The following TMEM178B variants were observed in gnomAD, a reference collection of about 807,000 sequenced individuals.
TMEM178B encodes the protein transmembrane protein 178B.
A neutral mutation model predicts 31.0 loss-of-function variants in TMEM178B; 5 were observed. The observed-to-expected ratio is 0.16, with a 90% CI of 0.08 to 0.34. TMEM178B has a LOEUF of 0.34. Ranked by LOEUF, TMEM178B falls within the 10% of genes least tolerant of loss-of-function variation. The pLI is 1.00. For missense variants in TMEM178B, 275 were observed against 400.3 expected (o/e 0.69, Z 2.67); for synonymous variants, 164 against 164.0 (o/e 1.00, Z 0.00).
chr7:141,216,448 TGCGCGCGC>T (rs143135337), intron 2 of TMEM178B, among the ~76,000 whole-genome samples: 10,256 of 135,646 alleles, frequency 0.076, 875 homozygotes, highest in East Asian at 0.14. Context: ...TGTGTGTGTG[TGCGCGCGC>T]GCGCGCGTGT....
intron 2 of TMEM178B, among the ~76,000 whole-genome samples, chr7:141,433,071 G>A (rs955144452): frequency 2.0e-5 from 3 of 152,290 alleles, no homozygotes; most frequent in African/African-American, 4.8e-5. Context: ...CTCCATCAGG[G>A]TGCTGTAGTG....
intron 2 of TMEM178B, among the ~76,000 whole-genome samples, chr7:141,421,440 G>A (rs1382393250): frequency 1.3e-5 from 2 of 152,126 alleles, no homozygotes; most frequent in Non-Finnish European, 2.9e-5. Context: ...ATTTGTGGTA[G>A]CACTTTACAG....
chr7:141,092,965 A>G (rs1258039793), intron 1 of TMEM178B, among the ~76,000 whole-genome samples: 1 of 152,204 alleles, frequency 6.6e-6, no homozygotes, highest in Non-Finnish European at 1.5e-5. Context: ...ATGTTATAGA[A>G]ATAGCAAAGG....
intron 3 of TMEM178B, among the ~76,000 whole-genome samples, chr7:141,439,614 T>A (rs936299460): frequency 6.6e-6 from 1 of 152,340 alleles, no homozygotes; most frequent in East Asian, 1.9e-4. Flanking sequence ...CAGCTCTGTT[T>A]GTAGTGAGTG....
At chr7:141,165,458 T>C (rs1796246703) in intron 1 of TMEM178B, among the ~76,000 whole-genome samples, 1 of 152,186 alleles carries the variant, frequency 6.6e-6, no homozygotes, top group Non-Finnish European at 1.5e-5. Context: ...TCAAAGTCCA[T>C]GATATCAGCA....
At chr7:141,491,448 T>C in the TMEM178B span, among the ~76,000 whole-genome samples, 1 of 152,230 alleles carries the variant, frequency 6.6e-6, no homozygotes, top group South Asian at 2.1e-4. Flanking sequence ...TAGATTCTTT[T>C]CATAAATCCA....
At chr7:141,332,663 A>G (rs889081096) in intron 2 of TMEM178B, among the ~76,000 whole-genome samples, 1 of 152,220 alleles carries the variant, frequency 6.6e-6, no homozygotes, top group African/African-American at 2.4e-5. Context: ...GTAACAGTTG[A>G]GTTTGCCCAG....
intron 2 of TMEM178B, among the ~76,000 whole-genome samples, chr7:141,324,420 T>G (rs971583855): frequency 2.2e-5 from 1 of 45,708 alleles, no homozygotes; most frequent in Non-Finnish European, 4.6e-5. Flanking sequence ...ACCAGGGTTT[T>G]TTTTTTTTTT....
rs143797431 is a variant in TMEM178B, at chr7:141,315,664, T to C, written c.496+102960T>C. 1.6e-3 allele frequency among the ~76,000 whole-genome samples: 240 copies of C among 152,336 alleles called. 1 individual carries two copies. Among genetic ancestry groups the C allele is most frequent in the African/African-American group, 5.4e-3 (223 of 41,574 alleles). On this transcript the variant is annotated intron_variant, in intron 2 of 3. Coordinates refer to ENST00000565468, the MANE Select transcript of TMEM178B (RefSeq NM_001195278.2). Reference sequence around the variant, plus strand: ...AGATTTTTTTCCCTTTTCATTTACATGTTTTAAGGCCCTGACGTGATTATA... The same window carrying C: ...AGATTTTTTTCCCTTTTCATTTACACGTTTTAAGGCCCTGACGTGATTATA...
intron 1 of TMEM178B, among the ~76,000 whole-genome samples, chr7:141,157,616 TCG>T (rs1362262326): frequency 1.3e-5 from 2 of 152,296 alleles, no homozygotes; most frequent in Admixed American, 1.3e-4. Context: ...CCAGGTCCTG[TCG>T]CTGGCAGTCT....
chr7:141,483,430 T>C (rs1802510051), downstream of TMEM178B, among the ~76,000 whole-genome samples: 1 of 152,198 alleles, frequency 6.6e-6, no homozygotes, highest in African/African-American at 2.4e-5. Context: ...GGCAGCTCCA[T>C]GCACCCTTCA....
At position 141,471,781 on chromosome 7, in the gene TMEM178B, CGTGTGT is replaced by C. The variant is rs71948091; in HGVS notation, c.*1027_*1032del. ...AGATCCCTGGAGTGGTGTGTGTGTG[CGTGTGT>C]GTGTGTGTGTGTGTGTGTGTGTGTG... On this transcript the variant is annotated 3_prime_UTR_variant, in exon 4 of 4. Coordinates refer to ENST00000565468, the MANE Select transcript of TMEM178B (RefSeq NM_001195278.2). The surrounding 1 kb of genome is among the most constrained non-coding windows in gnomAD (Gnocchi z 4.1). 5,119 of 142,016 alleles carry C rather than the reference CGTGTGT, an allele frequency of 0.036. 111 individuals carry two copies. The highest frequency in any genetic ancestry group is 0.091 in the Middle Eastern group (25 of 274). 8.8% of individuals were successfully genotyped at this position (142,016 alleles called of 1,614,324 possible).
chr7:141,179,540 G>T (rs1303348228), intron 1 of TMEM178B, among the ~76,000 whole-genome samples: 1 of 151,996 alleles, frequency 6.6e-6, no homozygotes, highest in African/African-American at 2.4e-5. Context: ...TTTTCCCTGT[G>T]AACTTGCTGA....
chr7:141,426,917 T>C (rs1354878218), intron 2 of TMEM178B, among the ~76,000 whole-genome samples: 2 of 152,116 alleles, frequency 1.3e-5, no homozygotes, highest in African/African-American at 2.4e-5. Context: ...AGCATTTCTA[T>C]ACACTAATAG....
At chr7:141,199,359 T>C (rs561205649) in intron 1 of TMEM178B, among the ~76,000 whole-genome samples, 82 of 152,294 alleles carry the variant, frequency 5.4e-4, no homozygotes, top group African/African-American at 1.9e-3. Flanking sequence ...GTAGGTACTT[T>C]AGTTAAGAAA....
intron 1 of TMEM178B, among the ~76,000 whole-genome samples, chr7:141,083,479 GAGGA>G (rs1243279747): frequency 2.2e-5 from 3 of 137,856 alleles, no homozygotes; most frequent in Non-Finnish European, 3.2e-5. Context: ...GGAAGAGAAA[GAGGA>G]AGGGAGGGAG....
chr7:141,469,475 TAGAA>T (rs1338522549), intron 3 of TMEM178B, among the ~76,000 whole-genome samples: 4 of 152,188 alleles, frequency 2.6e-5, no homozygotes, highest in Non-Finnish European at 5.9e-5. Context: ...ACTTGGCTGT[TAGAA>T]AGCAAGAGTT....
At chr7:141,263,589 C>T (rs951525135) in intron 2 of TMEM178B, among the ~76,000 whole-genome samples, 1 of 152,152 alleles carries the variant, frequency 6.6e-6, no homozygotes, top group Non-Finnish European at 1.5e-5. Flanking sequence ...TACACAAGGA[C>T]TTGCAAGTGA....
chr7:141,380,009 C>T lies in TMEM178B; in HGVS notation c.497-57599C>T, dbSNP rs1172872416. Among the ~76,000 whole-genome samples, 3 of 152,330 alleles carry T rather than the reference C, an allele frequency of 2.0e-5. No homozygotes were observed. In the East Asian group the frequency reaches 5.8e-4, roughly 29 times the overall value. ...GAATGGCTTTTTCTGTCCATCTTTT[C>T]TTACTACTCTAGATGTAGACTAAGA... On this transcript the variant is annotated intron_variant, in intron 2 of 3. Coordinates refer to ENST00000565468, the MANE Select transcript of TMEM178B (RefSeq NM_001195278.2).
Sources: allele counts gnomAD v4.1 joint callset (sites outside exome capture counted in the v4.1 genomes callset), GRCh38; gene constraint gnomAD v4.1.1; non-coding constraint Gnocchi (gnomAD v3.1); transcripts MANE v1.5; gene names NCBI Gene and HGNC (gene_info 2026-07-23, HGNC 2026-07-21).